The following ALDH1A2 variants were observed in gnomAD, a reference collection of about 807,000 sequenced individuals.
ALDH1A2 encodes the protein retinal dehydrogenase 2.
A neutral mutation model predicts 60.3 loss-of-function variants in ALDH1A2; 27 were observed. The observed-to-expected ratio is 0.45, with a 90% CI of 0.33 to 0.62. ALDH1A2 has a LOEUF of 0.62. ALDH1A2 is among the 20% of genes least tolerant of loss of function. ALDH1A2 has a pLI of 0.02. For synonymous variants in ALDH1A2, 289 were observed against 232.4 expected (o/e 1.24, Z -2.21); for missense variants, 581 against 643.8 (o/e 0.90, Z 1.06).
At chr15:58,065,441 C>T in intron 1 of ALDH1A2, 93 bp downstream of exon 1, 3 of 1,123,042 alleles carry the variant, frequency 2.7e-6, no homozygotes, top group Non-Finnish European at 4.1e-6. Context: ...ACCCCGGCCC[C>T]GTCCCGCAGC....
At chr15:58,019,678 T>C (rs1195993485) in intron 1 of ALDH1A2, among the ~76,000 whole-genome samples, 1 of 152,214 alleles carries the variant, frequency 6.6e-6, no homozygotes, top group East Asian at 1.9e-4. Context: ...CTTTCCATTG[T>C]GGTTGTGAAG....
At chr15:58,015,170 C>G (rs895815068) in intron 1 of ALDH1A2, among the ~76,000 whole-genome samples, 1 of 152,178 alleles carries the variant, frequency 6.6e-6, no homozygotes, top group African/African-American at 2.4e-5. Flanking sequence ...TACAGCACCA[C>G]AGTGAAATTT....
intron 5 of ALDH1A2, among the ~76,000 whole-genome samples, chr15:57,994,449 C>G (rs1214227509): frequency 6.6e-6 from 1 of 152,142 alleles, no homozygotes; most frequent in Non-Finnish European, 1.5e-5. Context: ...TTAGCTAGTA[C>G]TGTTAAAAGC....
At chr15:57,955,570 T>C (rs1358515763) in intron 12 of ALDH1A2, among the ~76,000 whole-genome samples, 1 of 152,240 alleles carries the variant, frequency 6.6e-6, no homozygotes, top group Non-Finnish European at 1.5e-5. Context: ...TCTCAATTAC[T>C]CAGAGAACTA....
intron 1 of ALDH1A2, among the ~76,000 whole-genome samples, chr15:58,020,271 C>T (rs1292586998): frequency 6.6e-6 from 1 of 152,134 alleles, no homozygotes; most frequent in African/African-American, 2.4e-5. Flanking sequence ...AATAGTGCTG[C>T]AATGAACATA....
At chr15:58,035,229 T>C (rs1251285751) in intron 1 of ALDH1A2, among the ~76,000 whole-genome samples, 1 of 151,738 alleles carries the variant, frequency 6.6e-6, no homozygotes, top group Non-Finnish European at 1.5e-5. Context: ...ATCAAATTTG[T>C]GGGCAAAGAG....
At chr15:58,057,276 T>C (rs1271550716) in intron 1 of ALDH1A2, among the ~76,000 whole-genome samples, 1 of 151,994 alleles carries the variant, frequency 6.6e-6, no homozygotes, top group Non-Finnish European at 1.5e-5. Context: ...GGATGAATAC[T>C]GAACATATGT....
At chr15:58,018,815 T>C (rs1895848940) in intron 1 of ALDH1A2, among the ~76,000 whole-genome samples, 1 of 152,174 alleles carries the variant, frequency 6.6e-6, no homozygotes, top group Non-Finnish European at 1.5e-5. Flanking sequence ...ATAATTGTCC[T>C]ATACTTACTT....
At chr15:58,055,426 A>C (rs1041904939) in intron 1 of ALDH1A2, among the ~76,000 whole-genome samples, 2 of 152,116 alleles carry the variant, frequency 1.3e-5, no homozygotes, top group Non-Finnish European at 2.9e-5. Context: ...GGTACTTCAG[A>C]AACACCATGA....
intron 1 of ALDH1A2, among the ~76,000 whole-genome samples, chr15:58,053,986 C>A (rs943568247): frequency 3.9e-5 from 6 of 152,084 alleles, no homozygotes; most frequent in African/African-American, 9.7e-5. Flanking sequence ...GTCGCCAATT[C>A]AATCCATTAA....
Position 57,953,982 on chromosome 15 carries a change from G to C in ALDH1A2, c.*1215C>G, listed in dbSNP as rs1893432384. 1 of 152,484 alleles carries C rather than the reference G, an allele frequency of 6.6e-6. No individual in the cohort carries two copies. The highest frequency in any genetic ancestry group is 1.5e-5 in the Non-Finnish European group (1 of 68,110). The allele number at this position is 152,484 out of a possible 1,614,324, so 9.4% of individuals were successfully genotyped here. Reference sequence around the variant, plus strand: ...GATGGGAAGAAAGGGAGGCGGGCCTGCTTTACTCCCTGCAAGCTGTAGGCC... The same window carrying C: ...GATGGGAAGAAAGGGAGGCGGGCCTCCTTTACTCCCTGCAAGCTGTAGGCC... On this transcript the variant is annotated 3_prime_UTR_variant, in exon 13 of 13. Coordinates refer to ENST00000249750, the MANE Select transcript of ALDH1A2 (RefSeq NM_003888.4).
At chr15:58,060,296 C>A (rs1402639743) in intron 1 of ALDH1A2, among the ~76,000 whole-genome samples, 1 of 152,112 alleles carries the variant, frequency 6.6e-6, no homozygotes, top group African/African-American at 2.4e-5. Flanking sequence ...ATATAGTCAT[C>A]ACTTTGCAAA....
At chr15:57,962,916 G>C (rs1893774909) in intron 9 of ALDH1A2, among the ~76,000 whole-genome samples, 1 of 152,144 alleles carries the variant, frequency 6.6e-6, no homozygotes, top group Non-Finnish European at 1.5e-5. Context: ...CCTGTCTACA[G>C]ATTAAAACCA....
intron 7 of ALDH1A2, among the ~76,000 whole-genome samples, chr15:57,975,169 AC>A (rs1468293827): frequency 6.6e-6 from 1 of 152,208 alleles, no homozygotes; most frequent in East Asian, 1.9e-4. Context: ...TTCCTGCCCT[AC>A]CACACAATCC....
At chr15:57,984,702 T>A (rs564274719) in intron 7 of ALDH1A2, among the ~76,000 whole-genome samples, 1 of 152,368 alleles carries the variant, frequency 6.6e-6, no homozygotes, top group East Asian at 1.9e-4. Context: ...TCACTCCTTT[T>A]TATGGGTGAA....
chr15:58,006,025 T>C (rs76140984), intron 4 of ALDH1A2, among the ~76,000 whole-genome samples: 2 of 7,018 alleles, frequency 2.8e-4, no homozygotes, highest in Non-Finnish European at 2.0e-3. Context: ...AAGCAGGGAT[T>C]TTTTTTTTTT....
At chr15:58,001,521 T>A (rs1895270100) in intron 4 of ALDH1A2, among the ~76,000 whole-genome samples, 1 of 151,918 alleles carries the variant, frequency 6.6e-6, no homozygotes, top group South Asian at 2.1e-4. Context: ...CCCTTTCATC[T>A]AGGCAGAGCC....
intron 1 of ALDH1A2, among the ~76,000 whole-genome samples, chr15:58,041,280 T>C (rs1380202503): frequency 2.6e-5 from 4 of 151,912 alleles, no homozygotes; most frequent in South Asian, 2.1e-4. Flanking sequence ...CCATCAATAA[T>C]ATGTCCATAT....
chr15:57,955,089 TTAAG>T lies in ALDH1A2; in HGVS notation c.*104_*107del, dbSNP rs779978919. ...GGCCTACATGTTATCTTTTCAATCTTTAAGTAAGGACCGTGGCTCAACTTTGTAT... is the reference window on the plus strand; with the variant it reads ...GGCCTACATGTTATCTTTTCAATCTTTAAGGACCGTGGCTCAACTTTGTAT... On this transcript the variant is annotated 3_prime_UTR_variant, in exon 13 of 13. Coordinates refer to ENST00000249750, the MANE Select transcript of ALDH1A2 (RefSeq NM_003888.4). 3.9e-5 allele frequency: 47 copies of T among 1,211,432 alleles called. No homozygotes were observed. The highest frequency in any genetic ancestry group is 5.2e-5 in the Non-Finnish European group (42 of 813,114). The allele number at this position is 1,211,432 out of a possible 1,614,324, so 75.0% of individuals were successfully genotyped here. A position where few individuals can be genotyped will look rare whatever the true frequency, so the allele number is the denominator to read the frequency against.
Sources: allele counts gnomAD v4.1 joint callset (sites outside exome capture counted in the v4.1 genomes callset), GRCh38; gene constraint gnomAD v4.1.1; transcripts MANE v1.5; gene names NCBI Gene and HGNC (gene_info 2026-07-23, HGNC 2026-07-21).